C19orf12: variants seen among roughly 807,000 people sequenced by gnomAD.
The protein encoded by C19orf12 is chromosome 19 open reading frame 12.
In C19orf12, 2 loss-of-function variants were observed where a neutral mutation model predicts 3.8. That is an observed-to-expected ratio of 0.53 (90% confidence interval 0.22 to 1.66). The LOEUF (loss-of-function observed/expected upper bound fraction) is 1.66, where lower values mean the gene tolerates loss of function less well. Ranked by LOEUF, C19orf12 falls within the 40% of genes most tolerant of loss-of-function variation. The probability of loss-of-function intolerance (pLI) is 0.20; values close to 1 mark genes in which losing one functional copy is unlikely to be tolerated. For missense variants in C19orf12, 156 were observed against 188.8 expected (o/e 0.83, Z 1.02); for synonymous variants, 89 against 84.6 (o/e 1.05, Z -0.28).
At position 29,701,681 on chromosome 19, in the gene C19orf12, G is replaced by A. The variant is rs1318673474; in HGVS notation, c.*1031C>T. 1.8e-5 allele frequency: 8 copies of A among 452,054 alleles called. No homozygotes were observed. Among genetic ancestry groups the A allele is most frequent in the Non-Finnish European group, 3.5e-5 (8 of 226,234 alleles). 28.0% of individuals were successfully genotyped at this position (452,054 alleles called of 1,614,324 possible). ...GGCATACCTCATTCTACTATGCTTT[G>A]TGAATACTGTGTTTTTTTTTTAAAT... On this transcript the variant is annotated 3_prime_UTR_variant, in exon 3 of 3. Coordinates refer to ENST00000323670, the MANE Select transcript of C19orf12 (RefSeq NM_031448.6).
In C19orf12 at chr19:29,699,713, A is replaced by G. The variant is rs1034406007; in HGVS notation, c.*2999T>C. ...TTAAAACAGAGTTAAAGGAATACAC[A>G]TGAAATTGGTAACAGTGGCTGCCTC... On this transcript the variant is annotated 3_prime_UTR_variant, in exon 3 of 3. Transcript: ENST00000323670. The G allele has an allele frequency of 4.4e-6, 2 of 453,992 alleles. No individual in the cohort carries two copies. Among genetic ancestry groups the G allele is most frequent in the African/African-American group, 4.0e-5 (2 of 50,006 alleles). 28.1% of individuals were successfully genotyped at this position (453,992 alleles called of 1,614,324 possible). A position where few individuals can be genotyped will look rare whatever the true frequency, so the allele number is the denominator to read the frequency against.
intron 1 of C19orf12, among the ~76,000 whole-genome samples, chr19:29,711,048 T>TTG (rs1972645521): frequency 6.9e-6 from 1 of 145,122 alleles, no homozygotes; most frequent in Non-Finnish European, 1.5e-5. Flanking sequence ...TTTTTTTTTT[T>TTG]TTTTTTTTTT....
At chr19:29,714,430 G>T (rs946706001) in intron 1 of C19orf12, among the ~76,000 whole-genome samples, 1 of 152,052 alleles carries the variant, frequency 6.6e-6, no homozygotes, top group East Asian at 1.9e-4. Flanking sequence ...GGAGGTGGAG[G>T]TTGCAGTGAG....
At position 29,704,615 on chromosome 19, in the gene C19orf12, G is replaced by A. The variant is rs182597459; in HGVS notation, c.161-1638C>T. ...CTTAAAGACCTTGTATCCACGGAAA[G>A]TTCTACCTGAAGAGGCCACGTGCAG... On this transcript the variant is annotated intron_variant, in intron 2 of 2. Coordinates refer to ENST00000323670, the MANE Select transcript of C19orf12 (RefSeq NM_031448.6). Among the ~76,000 whole-genome samples, 403 of 152,366 alleles carry A rather than the reference G, an allele frequency of 2.6e-3. 1 individual carries two copies. The highest frequency in any genetic ancestry group is 4.3e-3 in the Non-Finnish European group (293 of 68,038).
At chr19:29,711,600 C>A (rs527238498) in intron 1 of C19orf12, among the ~76,000 whole-genome samples, 1 of 152,338 alleles carries the variant, frequency 6.6e-6, no homozygotes, top group East Asian at 1.9e-4. Flanking sequence ...CATGCTTGGT[C>A]TGCAAGGCTG....
At chr19:29,712,944 T>C (rs1411688246) in intron 1 of C19orf12, among the ~76,000 whole-genome samples, 3 of 152,242 alleles carry the variant, frequency 2.0e-5, no homozygotes, top group African/African-American at 7.2e-5. Context: ...AGGAAGTCAC[T>C]GTGTTTTAAT....
rs1310883960 is a variant in C19orf12, at chr19:29,700,126, G to A, written c.*2586C>T. 1 of 453,970 alleles carries A rather than the reference G, an allele frequency of 2.2e-6. No individual in the cohort carries two copies. Among genetic ancestry groups the A allele is most frequent in the African/African-American group, 2.0e-5 (1 of 49,998 alleles). 28.1% of individuals were successfully genotyped at this position (453,970 alleles called of 1,614,324 possible). ...CTGCAGTAGGGGTGGGCAGGCTGTGGGAGGGGCTGCAGTGGACACTGGGCC... is the reference window on the plus strand; with the variant it reads ...CTGCAGTAGGGGTGGGCAGGCTGTGAGAGGGGCTGCAGTGGACACTGGGCC... On this transcript the variant is annotated 3_prime_UTR_variant, in exon 3 of 3. Coordinates refer to ENST00000323670, the MANE Select transcript of C19orf12 (RefSeq NM_031448.6).
rs1972491227 is a variant in C19orf12, at chr19:29,708,360, C to T, written c.54G>A (p.Glu18=). The T allele has an allele frequency of 1.2e-6, 2 of 1,614,052 alleles. No homozygotes were observed. Among genetic ancestry groups the T allele is most frequent in the African/African-American group, 1.3e-5 (1 of 74,936 alleles). The stretch of plus-strand genomic sequence containing the variant: ...GCTTGACAGCCGCCTTCATCTTCCT[C>T]TCCCCAGAAAGGGAGCACAGCAGCT... ...IMKLLCSLSG[E]RKMKAAVKHS... is the part of the protein sequence containing the mutation. Residue 18 remains glutamate (E), a synonymous_variant, in exon 2 of 3, where the codon GAG becomes GAA. Coordinates refer to ENST00000323670, the MANE Select transcript of C19orf12 (RefSeq NM_031448.6).
At chr19:29,715,597 T>A (rs1972919058), upstream of C19orf12, 1 of 209,306 alleles carries the variant, frequency 4.8e-6, no homozygotes, top group Non-Finnish European at 1.0e-5. Flanking sequence ...CCCGGAGACC[T>A]CCCTCCCTTT....
At chr19:29,714,689 C>G (rs1376188136) in intron 1 of C19orf12, among the ~76,000 whole-genome samples, 1 of 136,766 alleles carries the variant, frequency 7.3e-6, no homozygotes, top group Non-Finnish European at 1.6e-5. Flanking sequence ...CCCAGCCCCG[C>G]CCCTGCCCCA....
chr19:29,704,645 T>A (rs1293101470), intron 2 of C19orf12, among the ~76,000 whole-genome samples: 1 of 152,188 alleles, frequency 6.6e-6, no homozygotes, highest in Non-Finnish European at 1.5e-5. Flanking sequence ...GTGCAGAATA[T>A]GGTGCAGAGA....
At chr19:29,705,238 T>G (rs572581439) in intron 2 of C19orf12, 1 of 404,532 alleles carries the variant, frequency 2.5e-6, no homozygotes, top group Non-Finnish European at 4.9e-6. Flanking sequence ...TAAACACAAC[T>G]GGCAAATTCA....
At chr19:29,703,136 G>T (rs1972204725) in intron 2 of C19orf12, among the ~76,000 whole-genome samples, 159 bp from the exon 3 acceptor site, 1 of 152,174 alleles carries the variant, frequency 6.6e-6, no homozygotes, top group Non-Finnish European at 1.5e-5. Context: ...GCCAGCCAGT[G>T]TGGAGGGCAA....
At chr19:29,704,557 T>G (rs1386744904) in intron 2 of C19orf12, among the ~76,000 whole-genome samples, 1 of 152,234 alleles carries the variant, frequency 6.6e-6, no homozygotes, top group Non-Finnish European at 1.5e-5. Context: ...AAATGTAAAC[T>G]CATTGCCAAG....
chr19:29,706,248 C>T (rs3746314), intron 2 of C19orf12, among the ~76,000 whole-genome samples: 20,506 of 152,266 alleles, frequency 0.13, 1,678 homozygotes, highest in East Asian at 0.37. Context: ...TGCTCCAAGT[C>T]GACAAGAGTT....
intron 2 of C19orf12, among the ~76,000 whole-genome samples, chr19:29,707,214 G>A (rs1359615195): frequency 4.6e-5 from 7 of 152,102 alleles, no homozygotes; most frequent in Non-Finnish European, 5.9e-5. Flanking sequence ...AAAATTAGCC[G>A]GGTGTGGTGG....
intron 1 of C19orf12, among the ~76,000 whole-genome samples, chr19:29,712,515 C>G (rs958738012): frequency 2.0e-5 from 3 of 152,168 alleles, no homozygotes; most frequent in Non-Finnish European, 4.4e-5. Flanking sequence ...CCCCCCACCA[C>G]CCAACCTTTT....
chr19:29,713,261 C>G (rs928716336), intron 1 of C19orf12, among the ~76,000 whole-genome samples: 54 of 152,082 alleles, frequency 3.6e-4, no homozygotes, highest in Admixed American at 3.5e-3. Context: ...GCTCCCCCTC[C>G]CCCACTGTAT....
chr19:29,707,871 CTT>C (rs199544563), intron 2 of C19orf12, among the ~76,000 whole-genome samples: 7 of 143,270 alleles, frequency 4.9e-5, no homozygotes, highest in East Asian at 4.0e-4. Context: ...TTTCTTTTTC[CTT>C]TTTTTTTTTT....
Sources: allele counts gnomAD v4.1 joint callset (sites outside exome capture counted in the v4.1 genomes callset), GRCh38; gene constraint gnomAD v4.1.1; transcripts MANE v1.5; gene names NCBI Gene and HGNC (gene_info 2026-07-23, HGNC 2026-07-21).